The following OPA1 variants were observed in gnomAD, a reference collection of about 807,000 sequenced individuals.
OPA1 encodes the protein OPA1 mitochondrial dynamin like GTPase.
Under a neutral mutation model 152.9 loss-of-function variants are expected in OPA1, and 59 were observed. The ratio of observed to expected loss-of-function variants is 0.39; its 90% CI spans 0.31 to 0.48. The LOEUF is 0.48. OPA1 is among the 20% of genes least tolerant of loss of function. OPA1 has a pLI of 0.96. For synonymous variants in OPA1, 400 were observed against 389.9 expected (o/e 1.03, Z -0.31); for missense variants, 1,008 against 1,216.8 (o/e 0.83, Z 2.55).
intron 21 of OPA1, among the ~76,000 whole-genome samples, chr3:193,654,481 C>T (rs1713304806): frequency 6.7e-6 from 1 of 148,716 alleles, no homozygotes; most frequent in African/African-American, 2.5e-5. Context: ...GCCTGGGCAA[C>T]TAAGCAAGAC....
chr3:193,658,378 T>G (rs773778862), intron 23 of OPA1, among the ~76,000 whole-genome samples: 1 of 152,220 alleles, frequency 6.6e-6, no homozygotes, highest in Non-Finnish European at 1.5e-5. Flanking sequence ...AATTTTCAAC[T>G]GTAATAAATA....
intron 1 of OPA1, 147 bp downstream of exon 1, chr3:193,593,556 A>G: frequency 1.2e-6 from 1 of 867,562 alleles, no homozygotes; most frequent in Non-Finnish European, 1.7e-6. Context: ...GAGGACCCAG[A>G]ATGACAGGAG....
chr3:193,650,643 G>A (rs891997106), intron 21 of OPA1, among the ~76,000 whole-genome samples: 5 of 152,100 alleles, frequency 3.3e-5, no homozygotes, highest in African/African-American at 1.2e-4. Context: ...ATGACAGTTT[G>A]TTATTTCCTT....
intron 28 of OPA1, 108 bp downstream of exon 28, chr3:193,666,497 A>G: frequency 1.0e-6 from 1 of 971,390 alleles, no homozygotes. Context: ...TAGATTTATT[A>G]GAAAAACTGG....
chr3:193,633,630 T>G (rs1367049976), intron 8 of OPA1, among the ~76,000 whole-genome samples: 1 of 152,224 alleles, frequency 6.6e-6, no homozygotes, highest in Non-Finnish European at 1.5e-5. Flanking sequence ...TTTTAATTTT[T>G]ACATTAAAAA....
chr3:193,611,326 C>T (rs534370115), intron 1 of OPA1, among the ~76,000 whole-genome samples: 44 of 152,180 alleles, frequency 2.9e-4, no homozygotes, highest in Non-Finnish European at 5.0e-4. Flanking sequence ...AGGTTGGGCA[C>T]GATGGCTCAC....
chr3:193,630,279 G>A (rs1476815042), intron 7 of OPA1, among the ~76,000 whole-genome samples: 1 of 152,102 alleles, frequency 6.6e-6, no homozygotes, highest in Non-Finnish European at 1.5e-5. Context: ...GTACAGAAAT[G>A]GGAAAACAAT....
At chr3:193,669,666 G>A (rs889610725) in intron 29 of OPA1, among the ~76,000 whole-genome samples, 3 of 152,070 alleles carry the variant, frequency 2.0e-5, no homozygotes, top group Admixed American at 6.6e-5. Context: ...TATATCCCTC[G>A]TGATATAATT....
chr3:193,645,009 G>T (rs6771486), intron 16 of OPA1, among the ~76,000 whole-genome samples: 1 of 149,918 alleles, frequency 6.7e-6, no homozygotes. Flanking sequence ...TTTTTTTTTA[G>T]TCACATTTAG....
intron 21 of OPA1, among the ~76,000 whole-genome samples, chr3:193,650,903 C>A (rs7620116): frequency 0.42 from 63,997 of 151,564 alleles, 13,733 homozygotes; most frequent in Non-Finnish European, 0.43. Flanking sequence ...TCTAAAAATG[C>A]TACTATGGTA....
At chr3:193,627,332 G>T (rs1337204555) in intron 7 of OPA1, 1 of 152,104 alleles carries the variant, frequency 6.6e-6, no homozygotes, top group Admixed American at 6.5e-5. Context: ...CAAAAACATA[G>T]CTAGAAAAAG....
intron 6 of OPA1, among the ~76,000 whole-genome samples, chr3:193,621,495 C>A (rs1730069119): frequency 6.6e-6 from 1 of 152,182 alleles, no homozygotes; most frequent in Admixed American, 6.5e-5. Flanking sequence ...CATAATGCTG[C>A]ACAGGCTAAC....
At chr3:193,666,130 G>C (rs994218184) in intron 27 of OPA1, among the ~76,000 whole-genome samples, 166 bp from the exon 28 acceptor site, 1 of 152,122 alleles carries the variant, frequency 6.6e-6, no homozygotes, top group East Asian at 1.9e-4. Flanking sequence ...TCATGGCTCC[G>C]TACAGAAAGG....
At chr3:193,657,645 G>A (rs1473630532) in intron 23 of OPA1, among the ~76,000 whole-genome samples, 2 of 152,144 alleles carry the variant, frequency 1.3e-5, no homozygotes, top group South Asian at 2.1e-4. Context: ...ACCATGTATT[G>A]AATGCTTACT....
chr3:193,633,855 A>G (rs896751431), intron 8 of OPA1, among the ~76,000 whole-genome samples: 2 of 152,186 alleles, frequency 1.3e-5, no homozygotes, highest in African/African-American at 4.8e-5. Flanking sequence ...TAATCCTTAG[A>G]TACTACCAGA....
At chr3:193,622,741 A>G (rs531651333) in intron 6 of OPA1, among the ~76,000 whole-genome samples, 21 of 152,280 alleles carry the variant, frequency 1.4e-4, no homozygotes, top group Middle Eastern at 3.4e-3. Flanking sequence ...CATTCTTACT[A>G]TCTAATCGGC....
chr3:193,614,876 C>T lies in OPA1; in HGVS notation c.186C>T (p.Phe62=), dbSNP rs919610137. 4 of 1,614,078 alleles carry T rather than the reference C, an allele frequency of 2.5e-6. No individual in the cohort carries two copies. Among genetic ancestry groups the T allele is most frequent in the Non-Finnish European group, 2.5e-6 (3 of 1,179,926 alleles). The change falls in exon 2 of 31, where the codon TTC becomes TTT. Residue 62 remains phenylalanine (F), a synonymous_variant. Transcript: ENST00000361510. ...AATTAAGGACATCCTTTCAGCAGTT[C>T]TCTTCTCTGACAAACCTTCCTTTAC... ...RPQLRTSFQQ[F]SSLTNLPLRK... is the part of the protein sequence containing the mutation.
rs771688212 is a variant in OPA1 at position 193,635,410 on chromosome 3, T to G, written c.844-8T>G. 7.9e-6 allele frequency: 12 copies of G among 1,512,810 alleles called. No homozygotes were observed. In the South Asian group the frequency reaches 1.2e-4, roughly 16 times the overall value. The allele number at this position is 1,512,810 out of a possible 1,614,324, so 93.7% of individuals were successfully genotyped here. ...GCTTATATAGTTACACTTATTATTT[T>G]ATTGCAGTTGAAGTATCAGAGAATC... On this transcript the variant is annotated splice_polypyrimidine_tract_variant and splice_region_variant and intron_variant, in intron 8 of 30. Coordinates refer to ENST00000361510, the MANE Select transcript of OPA1 (RefSeq NM_130837.3).
chr3:193,687,512 G>A (rs79911093), intron 29 of OPA1, among the ~76,000 whole-genome samples: 10,176 of 152,218 alleles, frequency 0.067, 400 homozygotes, highest in Non-Finnish European at 0.087. Context: ...GGAAATATGA[G>A]TTTGCTTTAT....
Sources: allele counts gnomAD v4.1 joint callset (sites outside exome capture counted in the v4.1 genomes callset), GRCh38; gene constraint gnomAD v4.1.1; transcripts MANE v1.5; gene names NCBI Gene and HGNC (gene_info 2026-07-23, HGNC 2026-07-21).